Variants in LARP4B observed in about 807,000 individuals in gnomAD.
The protein encoded by LARP4B is La ribonucleoprotein 4B.
LARP4B carries 12 observed loss-of-function variants against 89.8 expected under a neutral mutation model. That is an observed-to-expected ratio of 0.13 (90% CI 0.09 to 0.22). LARP4B has a LOEUF of 0.22. Among genes scored for constraint, LARP4B ranks in the 10% least tolerant of loss-of-function variants. The probability of loss-of-function intolerance (pLI) is 1.00; values close to 1 mark genes in which losing one functional copy is unlikely to be tolerated. For synonymous variants in LARP4B, 367 were observed against 363.3 expected, an observed-to-expected ratio of 1.01 and a Z score of -0.12; for missense variants, 757 against 947.7, an observed-to-expected ratio of 0.80 and a Z score of 2.64.
At chr10:929,722 G>A (rs1837248047) in intron 1 of LARP4B, among the ~76,000 whole-genome samples, 2 of 152,160 alleles carry the variant, frequency 1.3e-5, no homozygotes, top group Admixed American at 6.6e-5. Flanking sequence ...TTGAGAAAAT[G>A]TAGGCAACAC....
chr10:929,292 G>C lies in LARP4B; in HGVS notation c.-40+2136C>G, dbSNP rs142798204. 4.6e-3 allele frequency among the ~76,000 whole-genome samples: 699 copies of C among 152,232 alleles called. 4 individuals carry two copies. The highest frequency in any genetic ancestry group is 0.016 in the African/African-American group (677 of 41,550). ...CTAATAGATTGACAGCTACAAGGTA[G>C]AATATTTTAAAAATTCAGTAAGCTG... On this transcript the variant is annotated intron_variant, in intron 1 of 17. Transcript: ENST00000316157.
the LARP4B span, among the ~76,000 whole-genome samples, chr10:963,474 T>A: frequency 3.3e-5 from 5 of 152,200 alleles, no homozygotes; most frequent in Middle Eastern, 3.2e-3. Flanking sequence ...GGGCTGGGCA[T>A]TTGCGTGTTC....
rs762066809 is a variant in LARP4B, at chr10:817,783, G to C, written c.1637C>G (p.Thr546Arg). The change falls in exon 15 of 18, where the codon ACA (threonine) becomes AGA (arginine). Residue 546 changes from threonine to arginine, a missense_variant. Coordinates refer to ENST00000316157, the MANE Select transcript of LARP4B (RefSeq NM_015155.3). ...TAGCCTGTTTTCAAACAAGTCCTCT[G>C]TCTTCAAATTGCCGGCAGCTCCAGG... is the stretch of plus-strand genomic sequence containing the variant. ...PLPGAAGNLK[T>R]EDLFENRLSS... 1.2e-6 allele frequency: 2 copies of C among 1,614,190 alleles called. No individual in the cohort carries two copies. The highest frequency in any genetic ancestry group is 8.5e-7 in the Non-Finnish European group (1 of 1,180,038).
At chr10:882,108 T>G (rs1299261976) in intron 3 of LARP4B, among the ~76,000 whole-genome samples, 1 of 150,932 alleles carries the variant, frequency 6.6e-6, no homozygotes, top group Non-Finnish European at 1.5e-5. Flanking sequence ...GGCCTGGGGG[T>G]GGGCTGGGGG....
intron 1 of LARP4B, among the ~76,000 whole-genome samples, chr10:917,695 G>GTCC (rs1471328895): frequency 6.6e-6 from 1 of 152,234 alleles, no homozygotes; most frequent in Non-Finnish European, 1.5e-5. Flanking sequence ...CCCAATTCAT[G>GTCC]TAAGTATTAC....
the LARP4B span, among the ~76,000 whole-genome samples, chr10:951,901 G>T: frequency 1.4e-5 from 2 of 143,388 alleles, no homozygotes; most frequent in Admixed American, 7.0e-5. Flanking sequence ...GGAAGAAATC[G>T]CAGCAGCCCA....
intron 5 of LARP4B, among the ~76,000 whole-genome samples, chr10:850,549 A>G (rs1833990697): frequency 6.6e-6 from 1 of 152,240 alleles, no homozygotes; most frequent in South Asian, 2.1e-4. Context: ...CTTTCTTTCA[A>G]TAGTTGACAG....
the LARP4B span, among the ~76,000 whole-genome samples, chr10:953,986 A>C: frequency 6.6e-6 from 1 of 152,222 alleles, no homozygotes. Flanking sequence ...GCAAGGTGCA[A>C]GGCGGAGGCC....
intron 6 of LARP4B, among the ~76,000 whole-genome samples, chr10:843,975 A>G (rs1298997597): frequency 6.6e-6 from 1 of 152,212 alleles, no homozygotes; most frequent in East Asian, 1.9e-4. Context: ...CCAAAGATCA[A>G]TGTTTCCTGT....
intron 7 of LARP4B, among the ~76,000 whole-genome samples, chr10:841,841 A>G (rs1348360693): frequency 2.0e-5 from 3 of 152,216 alleles, no homozygotes; most frequent in Non-Finnish European, 4.4e-5. Context: ...CAATAATTTA[A>G]TAACCCATGC....
At chr10:923,532 C>T (rs1837047407) in intron 1 of LARP4B, among the ~76,000 whole-genome samples, 1 of 151,874 alleles carries the variant, frequency 6.6e-6, no homozygotes, top group East Asian at 1.9e-4. Flanking sequence ...CTGTACATGC[C>T]TCCTAAAGGT....
At chr10:898,841 A>C (rs1281031787) in intron 1 of LARP4B, among the ~76,000 whole-genome samples, 1 of 152,252 alleles carries the variant, frequency 6.6e-6, no homozygotes, top group Admixed American at 6.5e-5. Context: ...TAAGGTCACA[A>C]AGCTACTAAG....
chr10:841,689 G>A (rs532370196), intron 7 of LARP4B, among the ~76,000 whole-genome samples: 1 of 152,124 alleles, frequency 6.6e-6, no homozygotes, highest in Non-Finnish European at 1.5e-5. Flanking sequence ...TCAAAGATGG[G>A]GCCCAATTCA....
the LARP4B span, among the ~76,000 whole-genome samples, chr10:963,603 A>G: frequency 1.3e-5 from 2 of 152,246 alleles, no homozygotes; most frequent in African/African-American, 4.8e-5. Flanking sequence ...TACAAATTCA[A>G]CCTAATAAAG....
chr10:894,560 GAC>G (rs1180197848), intron 1 of LARP4B, among the ~76,000 whole-genome samples: 5 of 152,030 alleles, frequency 3.3e-5, no homozygotes, highest in African/African-American at 1.2e-4. Flanking sequence ...AGGTAATAAA[GAC>G]AGAGAAAACT....
chr10:930,104 A>G (rs1588999409), intron 1 of LARP4B, among the ~76,000 whole-genome samples: 1 of 152,188 alleles, frequency 6.6e-6, no homozygotes, highest in African/African-American at 2.4e-5. Flanking sequence ...CACTGCACAC[A>G]CCACCTGACC....
At chr10:849,593 C>T (rs1833942367) in intron 5 of LARP4B, among the ~76,000 whole-genome samples, 2 of 152,128 alleles carry the variant, frequency 1.3e-5, no homozygotes, top group African/African-American at 2.4e-5. Context: ...TGGAGGGGGA[C>T]CATAAATCCC....
At chr10:982,634 T>C in the LARP4B span, among the ~76,000 whole-genome samples, 36 of 152,266 alleles carry the variant, frequency 2.4e-4, no homozygotes, top group Non-Finnish European at 2.6e-4. Context: ...TAAAATTCTG[T>C]ATGATTCAAT....
intron 1 of LARP4B, among the ~76,000 whole-genome samples, chr10:897,222 G>A (rs1367289440): frequency 6.6e-6 from 1 of 152,084 alleles, no homozygotes; most frequent in East Asian, 1.9e-4. Flanking sequence ...GAAAGAAACC[G>A]TTACATTTAT....
Sources: gnomAD v4.1 joint callset for allele counts (sites outside exome capture counted in the v4.1 genomes callset) on GRCh38, gnomAD v4.1.1 for gene constraint, MANE v1.5 for transcripts, NCBI Gene and HGNC (gene_info 2026-07-23, HGNC 2026-07-21) for gene names.